The following LZIC variants were observed in gnomAD, a reference collection of about 807,000 sequenced individuals.
LZIC encodes the protein protein LZIC.
In LZIC, 28 loss-of-function variants were observed where a neutral mutation model predicts 25.4. That is an observed-to-expected ratio of 1.10 (90% CI 0.82 to 1.51). LZIC has a LOEUF of 1.51. Among genes scored for constraint, LZIC ranks in the 40% most tolerant of loss-of-function variants. LZIC has a pLI of 0.00. For missense variants in LZIC, 170 were observed against 211.1 expected (o/e 0.81, Z 1.21); for synonymous variants, 65 against 70.7 (o/e 0.92, Z 0.40).
chr1:9,925,817 T>G (rs1444842349), downstream of LZIC, among the ~76,000 whole-genome samples: 1 of 151,142 alleles, frequency 6.6e-6, no homozygotes, highest in Non-Finnish European at 1.5e-5. Context: ...CTTGAACTCC[T>G]GACCTTGTGA....
intron 2 of LZIC, among the ~76,000 whole-genome samples, chr1:9,939,417 G>A (rs1171824922): frequency 1.4e-5 from 2 of 141,958 alleles, no homozygotes; most frequent in Admixed American, 7.7e-5. Context: ...CCAGGCTGGA[G>A]TGCAGTAGGC....
At chr1:9,939,481 A>C (rs1220402) in intron 2 of LZIC, among the ~76,000 whole-genome samples, 89,329 of 145,686 alleles carry the variant, frequency 0.61, 31,177 homozygotes, top group Non-Finnish European at 0.79. Context: ...CCTGGGCTCA[A>C]GTGATTCTCC....
chr1:9,937,553 A>T (rs1430324735), intron 2 of LZIC, among the ~76,000 whole-genome samples: 1 of 151,916 alleles, frequency 6.6e-6, no homozygotes, highest in Admixed American at 6.6e-5. Context: ...TCAGAAAAAA[A>T]AAAAGGCAGC....
downstream of LZIC, among the ~76,000 whole-genome samples, chr1:9,923,186 C>T (rs1266502180): frequency 6.6e-6 from 1 of 152,170 alleles, no homozygotes; most frequent in Non-Finnish European, 1.5e-5. Flanking sequence ...AATACACAGG[C>T]TTCCCTTGGT....
intron 5 of LZIC, among the ~76,000 whole-genome samples, chr1:9,934,197 C>T (rs915786161): frequency 6.7e-6 from 1 of 150,196 alleles, no homozygotes; most frequent in Admixed American, 6.7e-5. Flanking sequence ...CACTGCCCTC[C>T]AGCCTGGGCA....
Position 9,930,322 on chromosome 1 carries a change from G to C in LZIC, c.*77C>G. 6.4e-7 allele frequency: 1 copy of C among 1,569,716 alleles called. No homozygotes were observed. The stretch of plus-strand genomic sequence containing the variant: ...ATTTCCAGAATCTCTTCATTTCTTT[G>C]CAATAACTGAAAACCCCAGAAGAAA... On this transcript the variant is annotated 3_prime_UTR_variant, in exon 8 of 8. Transcript: ENST00000377223.
In LZIC at chr1:9,928,008, G is replaced by A. The variant is rs965721257; in HGVS notation, c.*2391C>T. On this transcript the variant is annotated 3_prime_UTR_variant, in exon 8 of 8. Transcript: ENST00000377223. ...ATCTTCTATGGCTTAAAAAACAAAC[G>A]TAGGCTGGGTGTGGTGGCTCAGGCC... Among the ~76,000 whole-genome samples, 4 of 151,966 alleles carry A rather than the reference G, an allele frequency of 2.6e-5. No homozygotes were observed. Among genetic ancestry groups the A allele is most frequent in the Non-Finnish European group, 5.9e-5 (4 of 67,956 alleles).
At chr1:9,932,703 AAAG>A in intron 6 of LZIC, 97 bp downstream of exon 6, 1 of 613,804 alleles carries the variant, frequency 1.6e-6, no homozygotes, top group African/African-American at 1.9e-5. Context: ...AAAAAAAAAA[AAAG>A]AATGTCTTAG....
chr1:9,942,671 T>A lies in LZIC; in HGVS notation c.-56A>T. 1 of 1,289,328 alleles carries A rather than the reference T, an allele frequency of 7.8e-7. No homozygotes were observed. The highest frequency in any genetic ancestry group is 1.0e-6 in the Non-Finnish European group (1 of 988,826). The allele number at this position is 1,289,328 out of a possible 1,614,324, so 79.9% of individuals were successfully genotyped here. On this transcript the variant is annotated 5_prime_UTR_variant, in exon 2 of 8. Coordinates refer to ENST00000377223, the MANE Select transcript of LZIC (RefSeq NM_032368.5). ...CTGCACAGTGCCGACCGGTCTCAAA[T>A]TGCACAAACCTCCAGTTCTTGACGT... is the stretch of plus-strand genomic sequence containing the variant.
rs975774712 is a variant in LZIC, at chr1:9,928,033, C to T, written c.*2366G>A. Among the ~76,000 whole-genome samples the T allele has an allele frequency of 1.1e-4, 17 of 151,816 alleles. No homozygotes were observed. The highest frequency in any genetic ancestry group is 3.9e-4 in the African/African-American group (16 of 41,354). ...GTAGGCTGGGTGTGGTGGCTCAGGC[C>T]GGGTATGGTGGCTCATGCCTGTAAT... On this transcript the variant is annotated 3_prime_UTR_variant, in exon 8 of 8. Transcript: ENST00000377223.
chr1:9,942,305 G>A (rs979381178), intron 2 of LZIC, among the ~76,000 whole-genome samples: 6 of 152,074 alleles, frequency 3.9e-5, no homozygotes, highest in African/African-American at 1.4e-4. Context: ...CTAAACTCTG[G>A]AGAACAGAAT....
chr1:9,935,984 C>G (rs942904947), intron 3 of LZIC, among the ~76,000 whole-genome samples: 1 of 152,024 alleles, frequency 6.6e-6, no homozygotes, highest in Non-Finnish European at 1.5e-5. Flanking sequence ...ACAAAATTAG[C>G]CGGGCATGGT....
At chr1:9,932,314 C>T (rs1304234541) in intron 6 of LZIC, 1 of 172,844 alleles carries the variant, frequency 5.8e-6, no homozygotes, top group Non-Finnish European at 1.2e-5. Flanking sequence ...CACTGCACTC[C>T]AGCCTGGACA....
chr1:9,932,080 A>T, intron 6 of LZIC, 108 bp from the exon 7 acceptor site: 1 of 356,350 alleles, frequency 2.8e-6, no homozygotes, highest in Non-Finnish European at 4.8e-6. Flanking sequence ...CACGCCTGTA[A>T]TCCCTGCACT....
Position 9,937,169 on chromosome 1 carries a change from G to A in LZIC, c.-8-542C>T, listed in dbSNP as rs144583335. 7.4e-3 allele frequency among the ~76,000 whole-genome samples: 1,126 copies of A among 152,262 alleles called. 11 individuals carry two copies. Among genetic ancestry groups the A allele is most frequent in the African/African-American group, 0.013 (550 of 41,568 alleles). ...AGCACTTTGGGAGGCTGAGGTGGGC[G>A]GATCATGAAGTCAGGAGATTGAGAC... On this transcript the variant is annotated intron_variant, in intron 2 of 7. Transcript: ENST00000377223.
At chr1:9,933,687 C>A (rs529615715) in intron 5 of LZIC, among the ~76,000 whole-genome samples, 1 of 152,008 alleles carries the variant, frequency 6.6e-6, no homozygotes, top group Non-Finnish European at 1.5e-5. Context: ...GGGTGGATTG[C>A]TTGAGCTCAG....
downstream of LZIC, among the ~76,000 whole-genome samples, chr1:9,923,765 T>TA (rs1263514798): frequency 6.6e-6 from 1 of 152,088 alleles, no homozygotes; most frequent in Non-Finnish European, 1.5e-5. Context: ...TTTATATATA[T>TA]TTTTTGAGAC....
At chr1:9,924,806 C>A (rs2101571822), downstream of LZIC, among the ~76,000 whole-genome samples, 1 of 152,176 alleles carries the variant, frequency 6.6e-6, no homozygotes, top group Middle Eastern at 3.4e-3. Flanking sequence ...TAAAGAATAG[C>A]CTCGTGTAAT....
rs981606019 is a variant in LZIC at position 9,926,654 on chromosome 1, T to C, written c.*3745A>G. Among the ~76,000 whole-genome samples the C allele has an allele frequency of 6.6e-6, 1 of 152,224 alleles. No homozygotes were observed. The highest frequency in any genetic ancestry group is 2.4e-5 in the African/African-American group (1 of 41,466). ...CACTAGATTTCATTCAATGGTCCGATTGGACACTTGCTCATTGGAACTTAT... is the reference window on the plus strand; with the variant it reads ...CACTAGATTTCATTCAATGGTCCGACTGGACACTTGCTCATTGGAACTTAT... On this transcript the variant is annotated 3_prime_UTR_variant, in exon 8 of 8. Transcript: ENST00000377223.
Sources: gnomAD v4.1 joint callset for allele counts (sites outside exome capture counted in the v4.1 genomes callset) on GRCh38, gnomAD v4.1.1 for gene constraint, MANE v1.5 for transcripts, NCBI Gene and HGNC (gene_info 2026-07-23, HGNC 2026-07-21) for gene names.